TBCB: variants seen among roughly 807,000 people sequenced by gnomAD.
The protein encoded by TBCB is tubulin folding cofactor B.
TBCB carries 18 observed loss-of-function variants against 29.2 expected under a neutral mutation model. That is an observed-to-expected ratio of 0.62 (90% CI 0.43 to 0.91). The LOEUF (loss-of-function observed/expected upper bound fraction) is 0.91, where lower values mean the gene tolerates loss of function less well. Ranked by LOEUF, TBCB falls within the 40% of genes least tolerant of loss-of-function variation. TBCB has a pLI of 0.00. For missense variants in TBCB, 336 were observed against 337.6 expected, an observed-to-expected ratio of 1.00 and a Z score of 0.04; for synonymous variants, 172 against 137.8, an observed-to-expected ratio of 1.25 and a Z score of -1.74.
chr19:36,116,011 CCTT>C (rs780561651), intron 1 of TBCB, 27 bp from the exon 2 acceptor site: 40 of 1,604,658 alleles, frequency 2.5e-5, no homozygotes, highest in African/African-American at 2.0e-4. Flanking sequence ...TCCGTGGCCT[CCTT>C]CTTCTCACCC....
Position 36,125,721 on chromosome 19 carries a change from A to G in TBCB, c.674A>G (p.Lys225Arg), listed in dbSNP as rs1300020398. 1.9e-6 allele frequency: 3 copies of G among 1,581,662 alleles called. No homozygotes were observed. Among genetic ancestry groups the G allele is most frequent in the South Asian group, 2.3e-5 (2 of 85,602 alleles). ...CAGGCCAAGTATGGCGCCTTTGTCA[A>G]GCCAGCAGTCGTGACGGTGGGGGAC... Reference protein sequence around the residue: ...ECQAKYGAFVKPAVVTVGDFP... With the variant: ...ECQAKYGAFVRPAVVTVGDFP... Residue 225 changes from lysine to arginine, a missense_variant, in exon 6 of 6, where the codon AAG (lysine) becomes AGG (arginine). By Grantham distance (26) the Lys-to-Arg change is conservative. Transcript: ENST00000221855.
chr19:36,123,170 C>T (rs1974083818), intron 4 of TBCB, among the ~76,000 whole-genome samples: 1 of 152,032 alleles, frequency 6.6e-6, no homozygotes, highest in Admixed American at 6.6e-5. Flanking sequence ...GCCTAGACCA[C>T]AGTGTATCCA....
At chr19:36,115,196 G>T, upstream of TBCB, 1 of 545,478 alleles carries the variant, frequency 1.8e-6, no homozygotes. Context: ...TGGCTTGGTT[G>T]AAGGCCAGTG....
At position 36,121,579 on chromosome 19, in the gene TBCB, G is replaced by A. The variant is rs2231575; in HGVS notation, c.408G>A (p.Glu136=). ...GCAAGCTCGGCCGGTACAACGAGGA[G>A]GAGCGGGCTCAGCAGGAGGCCGAGG... The part of the protein sequence containing the change: ...KRSKLGRYNE[E]ERAQQEAEAA... The change falls in exon 4 of 6, where the codon GAG becomes GAA. Residue 136 remains glutamate (E), a synonymous_variant. Coordinates refer to ENST00000221855, the MANE Select transcript of TBCB (RefSeq NM_001281.3). 1.7e-3 allele frequency: 2,575 copies of A among 1,558,354 alleles called. 22 individuals carry two copies. In the African/African-American group the frequency reaches 0.026, roughly 16 times the overall value.
intron 2 of TBCB, among the ~76,000 whole-genome samples, chr19:36,116,930 C>T (rs1288403932): frequency 1.3e-5 from 2 of 152,080 alleles, no homozygotes; most frequent in African/African-American, 4.8e-5. Context: ...CCCTTTCTGT[C>T]CTTATTCCCT....
chr19:36,121,858 G>T, intron 4 of TBCB, 140 bp downstream of exon 4: 1 of 1,101,858 alleles, frequency 9.1e-7, no homozygotes, highest in Non-Finnish European at 1.3e-6. Flanking sequence ...CTCAGTCCCT[G>T]GAGGTGACGG....
At chr19:36,119,327 T>C (rs920678125) in intron 2 of TBCB, among the ~76,000 whole-genome samples, 6 of 152,234 alleles carry the variant, frequency 3.9e-5, no homozygotes, top group Non-Finnish European at 7.3e-5. Flanking sequence ...GCCCAGTGGC[T>C]TAGGCCAGAC....
intron 2 of TBCB, chr19:36,116,436 G>C: frequency 2.3e-6 from 1 of 428,052 alleles, no homozygotes; most frequent in Non-Finnish European, 4.2e-6. Flanking sequence ...GAGAATCAGA[G>C]AGGGCTTCCT....
In TBCB at chr19:36,121,526, G is replaced by T. The variant is rs752777983; in HGVS notation, c.356-1G>T. On this transcript the variant is annotated splice_acceptor_variant, in intron 3 of 5. Transcript: ENST00000221855. LOFTEE classifies it high-confidence loss of function. ...CTGACCCCAGCCCCCTCTGCCCACA[G>T]ACACGGTCCGCTCTTTCCTGAAGCG... The T allele has an allele frequency of 6.4e-7, 1 of 1,554,680 alleles. No homozygotes were observed. Among genetic ancestry groups the T allele is most frequent in the Non-Finnish European group, 8.7e-7 (1 of 1,152,092 alleles).
At chr19:36,120,141 A>G (rs913762476) in intron 2 of TBCB, among the ~76,000 whole-genome samples, 23 of 152,094 alleles carry the variant, frequency 1.5e-4, no homozygotes, top group Admixed American at 1.3e-4. Flanking sequence ...GCCATCCTCC[A>G]GTGTTTCATA....
chr19:36,117,812 C>G (rs928924178), intron 2 of TBCB: 1 of 151,944 alleles, frequency 6.6e-6, no homozygotes, highest in African/African-American at 2.4e-5. Flanking sequence ...GTCTCCCAGG[C>G]TGGCGTGCAG....
At chr19:36,124,412 G>C (rs1974104265) in intron 4 of TBCB, among the ~76,000 whole-genome samples, 1 of 151,784 alleles carries the variant, frequency 6.6e-6, no homozygotes, top group Admixed American at 6.6e-5. Flanking sequence ...GTAGAGACAG[G>C]GTTTTGCCAT....
At chr19:36,121,145 G>A (rs1454021333) in intron 3 of TBCB, among the ~76,000 whole-genome samples, 1 of 151,584 alleles carries the variant, frequency 6.6e-6, no homozygotes, top group Non-Finnish European at 1.5e-5. Context: ...CAGGACAGGT[G>A]GAATGCGAGT....
At position 36,115,477 on chromosome 19, in the gene TBCB, C is replaced by CCGG; in HGVS notation, c.-83_-82insGGC. The CCGG allele has an allele frequency of 9.5e-7, 1 of 1,047,930 alleles. No homozygotes were observed. The highest frequency in any genetic ancestry group is 1.4e-6 in the Non-Finnish European group (1 of 704,034). The allele number at this position is 1,047,930 out of a possible 1,614,324, so 64.9% of individuals were successfully genotyped here. A position where few individuals can be genotyped will look rare whatever the true frequency, so the allele number is the denominator to read the frequency against. On this transcript the variant is annotated 5_prime_UTR_variant, in exon 1 of 6. Coordinates refer to ENST00000221855, the MANE Select transcript of TBCB (RefSeq NM_001281.3). ...CGGAGCAGGAGGCGGGGCTGATAGC[C>CCGG]CAGCAGCAGCAGCGGCGGCGGCGGC...
chr19:36,115,134 G>A, upstream of TBCB: 2 of 573,734 alleles, frequency 3.5e-6, no homozygotes, highest in Non-Finnish European at 6.2e-6. Flanking sequence ...GGAAAACGAT[G>A]CGCATCGTAA....
At chr19:36,124,779 G>A (rs1190016847) in intron 4 of TBCB, among the ~76,000 whole-genome samples, 3 of 152,120 alleles carry the variant, frequency 2.0e-5, no homozygotes, top group Non-Finnish European at 2.9e-5. Flanking sequence ...TCCTGACCTC[G>A]TGATCCACCC....
At chr19:36,125,600 A>G (rs889222526) in intron 5 of TBCB, 68 bp from the exon 6 acceptor site, 4 of 1,607,720 alleles carry the variant, frequency 2.5e-6, no homozygotes, top group African/African-American at 1.3e-5. Flanking sequence ...TGAGCTGCCC[A>G]TGCCAGCTTC....
intron 3 of TBCB, 63 bp from the exon 4 acceptor site, chr19:36,121,464 T>A: frequency 1.3e-6 from 2 of 1,498,056 alleles, no homozygotes; most frequent in Non-Finnish European, 1.8e-6. Context: ...CCCTCGTGGG[T>A]GGAGCGTCAT....
In TBCB at chr19:36,120,711, T is replaced by A; in HGVS notation, c.260T>A (p.Val87Asp). The change falls in exon 3 of 6, where the codon GTC becomes GAC. Residue 87 changes from valine (V) to aspartate (D), a missense_variant and splice_region_variant. Transcript: ENST00000221855. ...YPVDDGCRIH[V>D]IDHSGARLGE... ...CACGGAGCCCCTCCCCTCACACAGG[T>A]CATTGACCACAGTGGCGCCCGCCTT... 6.2e-7 allele frequency: 1 copy of A among 1,613,796 alleles called. No individual in the cohort carries two copies. The highest frequency in any genetic ancestry group is 8.5e-7 in the Non-Finnish European group (1 of 1,179,924).
Sources: allele counts gnomAD v4.1 joint callset (sites outside exome capture counted in the v4.1 genomes callset), GRCh38; gene constraint gnomAD v4.1.1; transcripts MANE v1.5; gene names NCBI Gene and HGNC (gene_info 2026-07-23, HGNC 2026-07-21).